HHAT: variants seen among roughly 807,000 people sequenced by gnomAD.
HHAT encodes the protein hedgehog acyltransferase.
Under a neutral mutation model 70.8 loss-of-function variants are expected in HHAT, and 47 were observed. That is an observed-to-expected ratio of 0.66 (90% CI 0.53 to 0.85). The LOEUF (loss-of-function observed/expected upper bound fraction) is 0.85. HHAT is among the 40% of genes least tolerant of loss of function. HHAT has a pLI of 0.00. For synonymous variants in HHAT, 228 were observed against 247.6 expected (o/e 0.92, Z 0.74); for missense variants, 609 against 604.8 (o/e 1.01, Z -0.07).
chr1:210,658,184 C>T (rs1238298387), intron 11 of HHAT, among the ~76,000 whole-genome samples: 1 of 152,178 alleles, frequency 6.6e-6, no homozygotes, highest in Non-Finnish European at 1.5e-5. Context: ...CCCTTATGTT[C>T]CGGCCCACAT....
At chr1:210,566,253 T>C (rs903267251) in intron 9 of HHAT, among the ~76,000 whole-genome samples, 1 of 152,178 alleles carries the variant, frequency 6.6e-6, no homozygotes, top group African/African-American at 2.4e-5. Context: ...CTAGAAAATA[T>C]TAAACATTGT....
intron 11 of HHAT, among the ~76,000 whole-genome samples, chr1:210,650,646 C>G (rs1435956847): frequency 6.6e-6 from 1 of 152,176 alleles, no homozygotes; most frequent in Non-Finnish European, 1.5e-5. Context: ...CCAACTCAAG[C>G]TCTTAATCAG....
chr1:210,473,161 A>C (rs189971889), intron 8 of HHAT, among the ~76,000 whole-genome samples: 1 of 152,270 alleles, frequency 6.6e-6, no homozygotes, highest in African/African-American at 2.4e-5. Context: ...TATGTCAAAG[A>C]GATACATTTT....
intron 10 of HHAT, among the ~76,000 whole-genome samples, chr1:210,616,367 A>G (rs1491002270): frequency 6.6e-6 from 1 of 150,654 alleles, no homozygotes; most frequent in African/African-American, 2.4e-5. Context: ...GGGCCTATTA[A>G]TTTTTATGCA....
intron 8 of HHAT, among the ~76,000 whole-genome samples, chr1:210,465,562 T>G (rs1218544702): frequency 6.6e-6 from 1 of 152,206 alleles, no homozygotes; most frequent in Admixed American, 6.5e-5. Flanking sequence ...CAGGCTAGTC[T>G]CAAACTCTGG....
At chr1:210,608,398 T>C (rs1205348391) in intron 10 of HHAT, among the ~76,000 whole-genome samples, 1 of 152,204 alleles carries the variant, frequency 6.6e-6, no homozygotes, top group Non-Finnish European at 1.5e-5. Context: ...TGGATTCATT[T>C]TTTGGCTATC....
At chr1:210,628,607 G>A (rs189691277) in intron 11 of HHAT, among the ~76,000 whole-genome samples, 1 of 152,256 alleles carries the variant, frequency 6.6e-6, no homozygotes, top group Admixed American at 6.5e-5. Context: ...GGAGAATTTG[G>A]TTCTTTTTCC....
intron 8 of HHAT, among the ~76,000 whole-genome samples, chr1:210,481,382 A>T (rs1251461589): frequency 6.7e-6 from 1 of 149,298 alleles, no homozygotes; most frequent in Non-Finnish European, 1.5e-5. Context: ...ACAGCACCAT[A>T]ACTTGTGCTT....
intron 7 of HHAT, among the ~76,000 whole-genome samples, chr1:210,421,462 T>C (rs1477602213): frequency 6.6e-6 from 1 of 152,164 alleles, no homozygotes; most frequent in Non-Finnish European, 1.5e-5. Context: ...TCTTAATTAT[T>C]TTTGAGACAG....
intron 10 of HHAT, among the ~76,000 whole-genome samples, chr1:210,607,879 A>G (rs12121562): frequency 0.082 from 12,491 of 152,186 alleles, 672 homozygotes; most frequent in Middle Eastern, 0.15. Flanking sequence ...TTTCCTCCCC[A>G]AGAGGTAACC....
chr1:210,354,045 T>C (rs1410934689), intron 2 of HHAT, among the ~76,000 whole-genome samples: 3 of 152,152 alleles, frequency 2.0e-5, no homozygotes, highest in Middle Eastern at 3.2e-3. Context: ...CAGGCTGTTC[T>C]CAGGAAGGCT....
chr1:210,636,962 T>G (rs1671979611), intron 11 of HHAT, among the ~76,000 whole-genome samples: 1 of 152,170 alleles, frequency 6.6e-6, no homozygotes, highest in Non-Finnish European at 1.5e-5. Context: ...TTGAGCCACT[T>G]TACTAGTATG....
intron 10 of HHAT, among the ~76,000 whole-genome samples, chr1:210,594,357 T>A (rs2148804531): frequency 6.6e-6 from 1 of 152,304 alleles, no homozygotes; most frequent in Middle Eastern, 3.4e-3. Context: ...GGCTTGCAAA[T>A]AATCTTATCA....
chr1:210,516,675 C>G (rs771058865), intron 9 of HHAT, among the ~76,000 whole-genome samples: 2 of 152,120 alleles, frequency 1.3e-5, no homozygotes, highest in African/African-American at 4.8e-5. Flanking sequence ...TTTATTAGCT[C>G]CAACAAGCTC....
At chr1:210,657,913 A>G (rs1192452732) in intron 11 of HHAT, among the ~76,000 whole-genome samples, 3 of 152,196 alleles carry the variant, frequency 2.0e-5, no homozygotes, top group African/African-American at 7.2e-5. Context: ...GGCTTGGAAA[A>G]TGAGGGCCAA....
At chr1:210,429,799 G>C (rs2093190228) in intron 7 of HHAT, among the ~76,000 whole-genome samples, 1 of 151,770 alleles carries the variant, frequency 6.6e-6, no homozygotes, top group Non-Finnish European at 1.5e-5. Context: ...TTAATTCAGT[G>C]CTATCTGAAT....
chr1:210,504,303 A>G (rs925774354), intron 8 of HHAT, among the ~76,000 whole-genome samples: 5 of 152,336 alleles, frequency 3.3e-5, no homozygotes, highest in African/African-American at 1.2e-4. Flanking sequence ...AATGACGTCT[A>G]AGGAGGAGAG....
intron 1 of HHAT, among the ~76,000 whole-genome samples, chr1:210,348,628 A>G (rs1006946154): frequency 2.0e-5 from 3 of 152,050 alleles, no homozygotes; most frequent in South Asian, 4.2e-4. Context: ...ATATTATGCA[A>G]TGGGTAGAGA....
At chr1:210,394,619 T>G (rs1410444671) in intron 4 of HHAT, among the ~76,000 whole-genome samples, 1 of 152,168 alleles carries the variant, frequency 6.6e-6, no homozygotes, top group African/African-American at 2.4e-5. Context: ...AGCCGGGTTC[T>G]CACTGTGCCT....
Sources: allele counts gnomAD v4.1 joint callset (sites outside exome capture counted in the v4.1 genomes callset), GRCh38; gene constraint gnomAD v4.1.1; transcripts MANE v1.5; gene names NCBI Gene and HGNC (gene_info 2026-07-23, HGNC 2026-07-21).